The following HDAC9 variants were observed in gnomAD, a reference collection of about 807,000 sequenced individuals.
HDAC9 encodes histone deacetylase 9, also known as MEF-2 interacting transcription repressor (MITR) protein.
In HDAC9, 41 loss-of-function variants were observed where a neutral mutation model predicts 139.4. The ratio of observed to expected loss-of-function variants is 0.29; its 90% CI spans 0.23 to 0.38. The LOEUF is 0.38. Ranked by LOEUF, HDAC9 falls within the 10% of genes least tolerant of loss-of-function variation. The pLI is 1.00. For missense variants in HDAC9, 1,147 were observed against 1,297.0 expected, an observed-to-expected ratio of 0.88 and a Z score of 1.78; for synonymous variants, 517 against 476.2, an observed-to-expected ratio of 1.09 and a Z score of -1.12.
chr7:18,585,799 G>C (rs1023070815), intron 3 of HDAC9, among the ~76,000 whole-genome samples: 1 of 152,018 alleles, frequency 6.6e-6, no homozygotes, highest in African/African-American at 2.4e-5. Context: ...TCTCCTACGT[G>C]ATTTTGTTCA....
rs553155451 is a variant in HDAC9 at position 18,122,379 on chromosome 7, G to A, written c.-97+35166G>A. 2.4e-4 allele frequency among the ~76,000 whole-genome samples: 37 copies of A among 152,250 alleles called. No homozygotes were observed. In the South Asian group the frequency reaches 4.1e-3, roughly 17 times the overall value. On this transcript the variant is annotated intron_variant, in intron 1 of 12. Transcript: ENST00000417496. ...GTGCCTACTGGGTTTCAGACACAGC[G>A]CTGGGAAATGCTTTGGTATGTAGTT... is the stretch of plus-strand genomic sequence containing the variant.
intron 25 of HDAC9, among the ~76,000 whole-genome samples, chr7:18,987,065 C>T (rs959649580): frequency 6.6e-6 from 1 of 152,186 alleles, no homozygotes; most frequent in African/African-American, 2.4e-5. Flanking sequence ...TTATTTCCTT[C>T]TCCTGCCTAA....
intron 1 of HDAC9, among the ~76,000 whole-genome samples, chr7:18,095,668 G>C (rs1036718625): frequency 3.0e-4 from 45 of 151,968 alleles, no homozygotes; most frequent in Admixed American, 5.2e-4. Context: ...ATTCTACTTA[G>C]GTATATAGGA....
At chr7:18,419,102 T>C (rs1176059413) in intron 1 of HDAC9, among the ~76,000 whole-genome samples, 1 of 152,198 alleles carries the variant, frequency 6.6e-6, no homozygotes, top group Admixed American at 6.5e-5. Flanking sequence ...ATTATTTCAT[T>C]AATACTTAAA....
intron 13 of HDAC9, among the ~76,000 whole-genome samples, chr7:18,741,955 A>G (rs1443681357): frequency 6.6e-6 from 1 of 152,236 alleles, no homozygotes; most frequent in Non-Finnish European, 1.5e-5. Flanking sequence ...CTCCAATCTC[A>G]TTATAAAACT....
chr7:18,181,409 A>G (rs1789416613), intron 2 of HDAC9, among the ~76,000 whole-genome samples: 1 of 152,192 alleles, frequency 6.6e-6, no homozygotes. Context: ...TAAAAGAGAC[A>G]ATTTAGACTA....
intron 1 of HDAC9, among the ~76,000 whole-genome samples, chr7:18,294,999 G>A (rs1798049836): frequency 6.6e-6 from 1 of 151,988 alleles, no homozygotes; most frequent in Non-Finnish European, 1.5e-5. Flanking sequence ...TGTGAAGATG[G>A]GCAAATTGGA....
intron 2 of HDAC9, among the ~76,000 whole-genome samples, chr7:18,193,627 A>C (rs1179058752): frequency 2.0e-5 from 3 of 152,228 alleles, no homozygotes; most frequent in Non-Finnish European, 2.9e-5. Context: ...AAGTCCTGCA[A>C]TATAAAGCTC....
At chr7:18,424,074 T>C (rs1789888582) in intron 1 of HDAC9, among the ~76,000 whole-genome samples, 1 of 152,210 alleles carries the variant, frequency 6.6e-6, no homozygotes, top group Admixed American at 6.5e-5. Context: ...ACTCCTAATC[T>C]TGTAATATGA....
intron 2 of HDAC9, among the ~76,000 whole-genome samples, chr7:18,251,157 C>T (rs1794894962): frequency 6.6e-6 from 1 of 152,170 alleles, no homozygotes; most frequent in South Asian, 2.1e-4. Flanking sequence ...CCATATACAG[C>T]ATGGAATACC....
chr7:18,330,029 A>G (rs577219137), intron 1 of HDAC9, among the ~76,000 whole-genome samples: 2 of 151,046 alleles, frequency 1.3e-5, no homozygotes, highest in Non-Finnish European at 3.0e-5. Flanking sequence ...AATAATGGGA[A>G]GGTATGATAC....
At chr7:18,855,993 A>T (rs554365020) in intron 21 of HDAC9, among the ~76,000 whole-genome samples, 28 of 152,274 alleles carry the variant, frequency 1.8e-4, no homozygotes, top group African/African-American at 6.5e-4. Flanking sequence ...ATGTCTAATT[A>T]CAAAGAATTC....
chr7:18,624,454 G>A (rs936023527), intron 6 of HDAC9, among the ~76,000 whole-genome samples: 11 of 152,120 alleles, frequency 7.2e-5, no homozygotes, highest in Non-Finnish European at 4.4e-5. Flanking sequence ...GTATTCAGAT[G>A]AGCACACACA....
intron 2 of HDAC9, among the ~76,000 whole-genome samples, chr7:18,184,137 G>T (rs927302117): frequency 2.6e-5 from 4 of 152,194 alleles, no homozygotes; most frequent in Non-Finnish European, 5.9e-5. Flanking sequence ...GGCAGCTCAT[G>T]CCTGTAATCC....
At chr7:18,509,546 A>T in intron 2 of HDAC9, 1 of 706,178 alleles carries the variant, frequency 1.4e-6, no homozygotes, top group Non-Finnish European at 1.7e-6. Flanking sequence ...CTGCTTGTTT[A>T]TCTGTTTTTG....
At chr7:18,421,546 T>C (rs965500699) in intron 1 of HDAC9, among the ~76,000 whole-genome samples, 2 of 152,134 alleles carry the variant, frequency 1.3e-5, no homozygotes, top group African/African-American at 4.8e-5. Context: ...AACACAATTA[T>C]TTTTATGTCT....
chr7:18,955,502 T>C (rs572970315), intron 24 of HDAC9, among the ~76,000 whole-genome samples: 3 of 152,200 alleles, frequency 2.0e-5, no homozygotes, highest in Admixed American at 6.6e-5. Context: ...TTAGCCATTA[T>C]ATACACAGAG....
chr7:18,659,801 G>C (rs1036527150), intron 11 of HDAC9, among the ~76,000 whole-genome samples: 1 of 152,110 alleles, frequency 6.6e-6, no homozygotes, highest in South Asian at 2.1e-4. Context: ...ATTCACACAG[G>C]CTTGCACATT....
chr7:18,121,058 T>A (rs1301976060), intron 1 of HDAC9, among the ~76,000 whole-genome samples: 2 of 152,208 alleles, frequency 1.3e-5, no homozygotes, highest in Admixed American at 1.3e-4. Context: ...TGTGTTTTAC[T>A]TACATCTCTG....
Sources: allele counts gnomAD v4.1 joint callset (sites outside exome capture counted in the v4.1 genomes callset), GRCh38; gene constraint gnomAD v4.1.1; transcripts MANE v1.5; gene names NCBI Gene and HGNC (gene_info 2026-07-23, HGNC 2026-07-21).